POC1B: variants seen among roughly 807,000 people sequenced by gnomAD.
POC1B encodes POC1 centriolar protein homolog B.
A neutral mutation model predicts 60.6 loss-of-function variants in POC1B; 44 were observed. That is an observed-to-expected ratio of 0.73 (90% confidence interval 0.57 to 0.93). POC1B has a LOEUF of 0.93. Among genes scored for constraint, POC1B ranks in the 40% least tolerant of loss-of-function variants. POC1B has a pLI of 0.00. For missense variants in POC1B, 555 were observed against 572.3 expected (o/e 0.97, Z 0.31); for synonymous variants, 180 against 198.9 (o/e 0.90, Z 0.80).
At chr12:89,472,499 C>CT (rs1471068997) in intron 4 of POC1B, 2 of 367,656 alleles carry the variant, frequency 5.4e-6, no homozygotes, top group East Asian at 1.1e-4. Context: ...AACCAAGTTG[C>CT]TTTTTTCCTT....
At chr12:89,457,792 T>C (rs552439744) in intron 10 of POC1B, among the ~76,000 whole-genome samples, 7 of 152,322 alleles carry the variant, frequency 4.6e-5, no homozygotes, top group Admixed American at 4.6e-4. Flanking sequence ...TTCCATTTTA[T>C]TATTCTGTTT....
At chr12:89,480,119 T>C (rs1883263070) in intron 4 of POC1B, among the ~76,000 whole-genome samples, 1 of 151,246 alleles carries the variant, frequency 6.6e-6, no homozygotes, top group Non-Finnish European at 1.5e-5. Context: ...TTTTGAAAAC[T>C]GGTTGGACAA....
At chr12:89,475,291 G>T (rs969491284) in intron 4 of POC1B, among the ~76,000 whole-genome samples, 3 of 152,178 alleles carry the variant, frequency 2.0e-5, no homozygotes, top group African/African-American at 7.2e-5. Flanking sequence ...CAAAATAAAT[G>T]AAGGGATGTG....
rs1869011872 is a variant in POC1B at position 89,492,090 on chromosome 12, C to T, written c.298G>A (p.Ala100Thr). ...ACACTTCGAACTGGAGCTGTATGAG[C>T]TTTAAATTCTGAGAATTTTCCTCTC... ...DKRGKFSEFK[A>T]HTAPVRSVDF... The change falls in exon 4 of 12, where the codon GCT (alanine) becomes ACT (threonine). Residue 100 changes from alanine to threonine, a missense_variant. Ala to Thr is a moderately conservative substitution (Grantham distance 58, BLOSUM62 0). Transcript: ENST00000313546. The T allele has an allele frequency of 6.4e-7, 1 of 1,565,168 alleles. No individual in the cohort carries two copies. The highest frequency in any genetic ancestry group is 2.1e-5 in the Admixed American group (1 of 46,918).
intron 2 of POC1B, among the ~76,000 whole-genome samples, chr12:89,510,761 T>C (rs1196705565): frequency 1.2e-5 from 1 of 83,760 alleles, no homozygotes; most frequent in Non-Finnish European, 2.5e-5. Flanking sequence ...TATGTTTTTA[T>C]TCTTTTTTTT....
In POC1B at chr12:89,446,523, G is replaced by A. The variant is rs555083800; in HGVS notation, c.1113+13115C>T. ...AAGGACAGAAAACCAAACACCGCAT[G>A]TTCTCACTCATAGGTGGGAACTGAA... On this transcript the variant is annotated intron_variant, in intron 10 of 11. Coordinates refer to ENST00000313546, the MANE Select transcript of POC1B (RefSeq NM_172240.3). Among the ~76,000 whole-genome samples, 9 of 152,248 alleles carry A rather than the reference G, an allele frequency of 5.9e-5. No individual in the cohort carries two copies. In the South Asian group the frequency reaches 1.2e-3, roughly 21 times the overall value.
rs1204121604 is a variant in POC1B, at chr12:89,524,601, G to A, written c.100+519C>T. 5.0e-6 allele frequency: 8 copies of A among 1,590,774 alleles called. No homozygotes were observed. The Admixed American group carries it at 1.2e-4, about 24-fold the overall frequency. ...CGCGGCCACCAAGCCACCACGCAGG[G>A]GAAGGGCGGCGGAACCCACAGCTCG... On this transcript the variant is annotated intron_variant, in intron 2 of 11. Coordinates refer to ENST00000313546, the MANE Select transcript of POC1B (RefSeq NM_172240.3).
chr12:89,491,985 G>A lies in POC1B; in HGVS notation c.403C>T (p.Arg135Cys), dbSNP rs147661585. 61 of 1,596,216 alleles carry A rather than the reference G, an allele frequency of 3.8e-5. No homozygotes were observed. In the African/African-American group the frequency reaches 5.9e-4, roughly 16 times the overall value. ...SIKVWSMYRQ[R>C]FLYSLYRHTH... ...TGTCGATACAAGGAATACAGGAAGC[G>A]CTGGCGATACATGCTCCATACTTTT... The change falls in exon 4 of 12, where the codon CGC becomes TGC. Residue 135 changes from arginine (R) to cysteine (C), a missense_variant. Coordinates refer to ENST00000313546, the MANE Select transcript of POC1B (RefSeq NM_172240.3).
At chr12:89,501,202 C>T (rs908353469) in intron 2 of POC1B, 1 of 1,418,196 alleles carries the variant, frequency 7.1e-7, no homozygotes, top group Non-Finnish European at 1.0e-6. Flanking sequence ...TTCCCATAAA[C>T]CTCACCTAGT....
chr12:89,431,775 A>G (rs1430023787), intron 10 of POC1B, among the ~76,000 whole-genome samples: 2 of 152,218 alleles, frequency 1.3e-5, no homozygotes, highest in East Asian at 3.8e-4. Flanking sequence ...AATTACCACA[A>G]ACTTAGTGGT....
chr12:89,525,009 C>T (rs1871307552), intron 2 of POC1B, 111 bp downstream of exon 2: 3 of 1,495,490 alleles, frequency 2.0e-6, no homozygotes, highest in African/African-American at 2.8e-5. Context: ...GCTCTCAACC[C>T]TCATACAGGC....
chr12:89,409,371 A>G, the POC1B span, among the ~76,000 whole-genome samples: 1 of 152,210 alleles, frequency 6.6e-6, no homozygotes, highest in Non-Finnish European at 1.5e-5. Context: ...ACCATTTACT[A>G]AACAGGGAAT....
chr12:89,456,267 C>T (rs542525656), intron 10 of POC1B, among the ~76,000 whole-genome samples: 2 of 152,254 alleles, frequency 1.3e-5, no homozygotes, highest in East Asian at 3.9e-4. Context: ...GTGATCCACC[C>T]GCCTTGGCCT....
At chr12:89,521,527 T>A (rs1870874070) in intron 2 of POC1B, 1 of 153,614 alleles carries the variant, frequency 6.5e-6, no homozygotes. Flanking sequence ...TTGTAAAGAT[T>A]GCACAGTGAG....
At chr12:89,521,701 T>G (rs951743640) in intron 2 of POC1B, 8 of 267,844 alleles carry the variant, frequency 3.0e-5, no homozygotes, top group South Asian at 1.7e-4. Context: ...CATTCATTCA[T>G]TCAGTCATTC....
intron 7 of POC1B, 138 bp downstream of exon 7, chr12:89,470,223 G>T: frequency 2.4e-6 from 1 of 418,794 alleles, no homozygotes; most frequent in Non-Finnish European, 3.4e-6. Context: ...AGCCTTGGAA[G>T]TAAAAAAATT....
intron 4 of POC1B, among the ~76,000 whole-genome samples, chr12:89,475,547 A>G (rs73194511): frequency 0.09 from 13,752 of 152,200 alleles, 770 homozygotes; most frequent in Middle Eastern, 0.16. Context: ...AATTAGATAC[A>G]TCAAAAATAG....
rs185876145 is a variant in POC1B at position 89,456,880 on chromosome 12, G to A, written c.1113+2758C>T. ...TCCTGAATATAATATTAAATCAAGT[G>A]AAAGTAGAAATAGAGGCCAACTATT... is the stretch of plus-strand genomic sequence containing the variant. On this transcript the variant is annotated intron_variant, in intron 10 of 11. Transcript: ENST00000313546. Among the ~76,000 whole-genome samples the A allele has an allele frequency of 2.7e-3, 417 of 152,210 alleles. 3 individuals carry two copies. The highest frequency in any genetic ancestry group is 9.9e-3 in the African/African-American group (410 of 41,516).
chr12:89,409,069 T>C, the POC1B span, among the ~76,000 whole-genome samples: 1 of 152,196 alleles, frequency 6.6e-6, no homozygotes, highest in Non-Finnish European at 1.5e-5. Flanking sequence ...ATTCTGTAGG[T>C]TGCCTGTTCA....
Sources: gnomAD v4.1 joint callset for allele counts (sites outside exome capture counted in the v4.1 genomes callset) on GRCh38, gnomAD v4.1.1 for gene constraint, MANE v1.5 for transcripts, NCBI Gene and HGNC (gene_info 2026-07-23, HGNC 2026-07-21) for gene names.